The following MICU1 variants were observed in gnomAD, a reference collection of about 807,000 sequenced individuals.
MICU1 encodes the protein calcium uptake protein 1, mitochondrial.
A neutral mutation model predicts 56.8 loss-of-function variants in MICU1; 45 were observed. The ratio of observed to expected loss-of-function variants is 0.79; its 90% CI spans 0.62 to 1.02. The LOEUF (loss-of-function observed/expected upper bound fraction) is 1.02, where lower values mean the gene tolerates loss of function less well. Ranked by LOEUF, MICU1 falls within the 50% of genes least tolerant of loss-of-function variation. The pLI is 0.00. For synonymous variants in MICU1, 186 were observed against 195.1 expected (o/e 0.95, Z 0.39); for missense variants, 504 against 587.1 (o/e 0.86, Z 1.46).
At chr10:72,396,376 TCTC>T (rs1326872015) in intron 10 of MICU1, among the ~76,000 whole-genome samples, 9 of 151,888 alleles carry the variant, frequency 5.9e-5, no homozygotes, top group African/African-American at 2.2e-4. Context: ...GAGCGCCTCT[TCTC>T]CTCCAAAGGA....
intron 5 of MICU1, among the ~76,000 whole-genome samples, chr10:72,533,453 C>T (rs1011132803): frequency 6.6e-6 from 1 of 152,016 alleles, no homozygotes; most frequent in Non-Finnish European, 1.5e-5. Context: ...TATTGGGGGG[C>T]TTATTAATCT....
intron 10 of MICU1, among the ~76,000 whole-genome samples, chr10:72,393,654 G>C (rs1445512740): frequency 1.3e-5 from 2 of 152,336 alleles, no homozygotes; most frequent in South Asian, 2.1e-4. Flanking sequence ...TGTGGTAGGA[G>C]AGCGAGAAAA....
chr10:72,555,608 T>C (rs987473027), intron 3 of MICU1, among the ~76,000 whole-genome samples: 6 of 152,220 alleles, frequency 3.9e-5, no homozygotes, highest in Non-Finnish European at 7.3e-5. Context: ...GGCTTGCTCT[T>C]TGAATGACAC....
At chr10:72,495,855 T>G (rs989020780) in intron 6 of MICU1, among the ~76,000 whole-genome samples, 1 of 152,090 alleles carries the variant, frequency 6.6e-6, no homozygotes, top group Admixed American at 6.5e-5. Context: ...TATACATACA[T>G]AGAAAATAAC....
At chr10:72,473,257 C>T (rs560893593) in intron 8 of MICU1, 1 of 151,846 alleles carries the variant, frequency 6.6e-6, no homozygotes, top group South Asian at 2.1e-4. Context: ...GATTAGATGT[C>T]GGTGGTCATA....
intron 8 of MICU1, among the ~76,000 whole-genome samples, chr10:72,438,026 C>T (rs1218625960): frequency 6.6e-6 from 1 of 152,196 alleles, no homozygotes; most frequent in Non-Finnish European, 1.5e-5. Flanking sequence ...AGGATTTGAA[C>T]TCAGCTCTGC....
At chr10:72,525,426 G>A (rs559528084) in intron 5 of MICU1, among the ~76,000 whole-genome samples, 8 of 152,302 alleles carry the variant, frequency 5.3e-5, no homozygotes, top group African/African-American at 1.9e-4. Context: ...ATGTGACAGA[G>A]CCCAAGGGAT....
chr10:72,496,791 C>T (rs992982665), intron 6 of MICU1, among the ~76,000 whole-genome samples: 3 of 152,010 alleles, frequency 2.0e-5, no homozygotes, highest in Non-Finnish European at 4.4e-5. Context: ...AGCCTGGTCT[C>T]GATCTCTTGG....
At chr10:72,489,616 G>T (rs1170102035) in intron 6 of MICU1, among the ~76,000 whole-genome samples, 1 of 152,162 alleles carries the variant, frequency 6.6e-6, no homozygotes, top group Non-Finnish European at 1.5e-5. Flanking sequence ...GCAAACTTAA[G>T]TCTCTGGAAT....
intron 8 of MICU1, 44 bp from the exon 9 acceptor site, chr10:72,423,415 T>C: frequency 1.3e-6 from 2 of 1,594,784 alleles, no homozygotes; most frequent in Non-Finnish European, 1.7e-6. Context: ...CAATGGAAAG[T>C]ATTTTGACGT....
intron 11 of MICU1, among the ~76,000 whole-genome samples, chr10:72,370,904 G>T (rs1035148094): frequency 1.3e-5 from 2 of 151,918 alleles, no homozygotes; most frequent in Non-Finnish European, 2.9e-5. Context: ...GGTGGTGGGC[G>T]CCTGTAATTC....
chr10:72,557,331 T>C (rs1840183762), intron 3 of MICU1, among the ~76,000 whole-genome samples: 1 of 152,096 alleles, frequency 6.6e-6, no homozygotes, highest in Non-Finnish European at 1.5e-5. Context: ...TCATCACCAT[T>C]CCAGCTCTCA....
intron 7 of MICU1, 24 bp from the exon 8 acceptor site, chr10:72,475,321 C>A (rs1194600383): frequency 2.6e-6 from 4 of 1,544,978 alleles, no homozygotes; most frequent in East Asian, 2.3e-5. Flanking sequence ...AAACCCACAT[C>A]CAGAAAAATA....
At chr10:72,413,831 G>A (rs1863900514) in intron 9 of MICU1, among the ~76,000 whole-genome samples, 1 of 152,116 alleles carries the variant, frequency 6.6e-6, no homozygotes, top group Non-Finnish European at 1.5e-5. Flanking sequence ...AAAAAGATTT[G>A]AATAGACAGT....
chr10:72,591,201 C>G (rs1298601687), intron 1 of MICU1, among the ~76,000 whole-genome samples: 1 of 151,906 alleles, frequency 6.6e-6, no homozygotes, highest in Non-Finnish European at 1.5e-5. Context: ...GAAACAAAAA[C>G]AAAACATGTG....
At chr10:72,490,532 T>C (rs975628134) in intron 6 of MICU1, among the ~76,000 whole-genome samples, 15 of 152,160 alleles carry the variant, frequency 9.9e-5, no homozygotes, top group African/African-American at 3.6e-4. Flanking sequence ...CAAGACCACA[T>C]TGTCACCCAC....
intron 10 of MICU1, among the ~76,000 whole-genome samples, chr10:72,376,091 G>T (rs924206694): frequency 6.6e-6 from 1 of 151,954 alleles, no homozygotes; most frequent in South Asian, 2.1e-4. Flanking sequence ...AGAACTTCAA[G>T]ACCAGCCTGG....
intron 1 of MICU1, among the ~76,000 whole-genome samples, chr10:72,593,748 G>T (rs180863248): frequency 6.6e-6 from 1 of 152,116 alleles, no homozygotes; most frequent in Admixed American, 6.6e-5. Flanking sequence ...ATTGGAAAAG[G>T]AAATTACAAA....
At chr10:72,426,809 C>T (rs552945759) in intron 8 of MICU1, among the ~76,000 whole-genome samples, 34 of 152,300 alleles carry the variant, frequency 2.2e-4, no homozygotes, top group African/African-American at 6.0e-4. Flanking sequence ...CTATCTTAAG[C>T]TGGGACAATC....
Sources: gnomAD v4.1 joint callset for allele counts (sites outside exome capture counted in the v4.1 genomes callset) on GRCh38, gnomAD v4.1.1 for gene constraint, MANE v1.5 for transcripts, NCBI Gene and HGNC (gene_info 2026-07-23, HGNC 2026-07-21) for gene names.